The following DNAH5 variants were observed in gnomAD, a reference collection of about 807,000 sequenced individuals.
DNAH5 encodes the protein axonemal beta dynein heavy chain 5.
DNAH5 carries 372 observed loss-of-function variants against 518.2 expected under a neutral mutation model. The ratio of observed to expected loss-of-function variants is 0.72; its 90% CI spans 0.66 to 0.78. The LOEUF (loss-of-function observed/expected upper bound fraction) is 0.78, where lower values mean the gene tolerates loss of function less well. Among genes scored for constraint, DNAH5 ranks in the 30% least tolerant of loss-of-function variants. The pLI is 0.00. For synonymous variants in DNAH5, 2,039 were observed against 2,025.9 expected (o/e 1.01, Z -0.17); for missense variants, 5,523 against 5,687.0 (o/e 0.97, Z 0.93).
intron 26 of DNAH5, 32 bp from the exon 27 acceptor site, chr5:13,865,938 A>C (rs112168545): frequency 1.5e-6 from 2 of 1,374,964 alleles, no homozygotes; most frequent in Admixed American, 3.4e-5. Context: ...ACGCATCAAA[A>C]TGATTTATAC....
chr5:13,804,358 C>T (rs1009520844), intron 47 of DNAH5, among the ~76,000 whole-genome samples: 1 of 152,206 alleles, frequency 6.6e-6, no homozygotes, highest in Non-Finnish European at 1.5e-5. Context: ...ACGCGCCCTT[C>T]GTTGGACAGT....
chr5:13,956,050 C>A (rs1320931811), intron 1 of DNAH5, among the ~76,000 whole-genome samples: 1 of 152,132 alleles, frequency 6.6e-6, no homozygotes, highest in Non-Finnish European at 1.5e-5. Flanking sequence ...GTGGTACATG[C>A]TCTTCCCTAA....
chr5:14,004,505 TGC>T, intron 1 of DNAH5, among the ~76,000 whole-genome samples: 1 of 152,324 alleles, frequency 6.6e-6, no homozygotes, highest in Middle Eastern at 3.4e-3. Context: ...TAATGCACCT[TGC>T]ATTGCAAAAG....
At chr5:13,866,969 G>A (rs1358959654) in intron 25 of DNAH5, among the ~76,000 whole-genome samples, 3 of 152,084 alleles carry the variant, frequency 2.0e-5, no homozygotes, top group Non-Finnish European at 2.9e-5. Context: ...GGCAAGGCTT[G>A]ATCTGTCTTA....
At chr5:13,738,149 TG>T (rs1747856177) in intron 65 of DNAH5, among the ~76,000 whole-genome samples, 1 of 151,018 alleles carries the variant, frequency 6.6e-6, no homozygotes, top group Admixed American at 6.6e-5. Context: ...CCAAGCAACA[TG>T]AAACCTGCAA....
At position 13,901,689 on chromosome 5, in the gene DNAH5, A is replaced by G. The variant is rs190033266; in HGVS notation, c.1731-116T>C. 1,999 of 677,054 alleles carry G rather than the reference A, an allele frequency of 3.0e-3. 6 individuals are homozygous for G. The highest frequency in any genetic ancestry group is 4.0e-3 in the Non-Finnish European group (1,746 of 431,706). The allele number at this position is 677,054 out of a possible 1,614,324, so 41.9% of individuals were successfully genotyped here. A position where few individuals can be genotyped will look rare whatever the true frequency, so the allele number is the denominator to read the frequency against. On this transcript the variant is annotated intron_variant, in intron 13 of 78. Coordinates refer to ENST00000265104, the MANE Select transcript of DNAH5 (RefSeq NM_001369.3). Reference sequence around the variant, plus strand: ...ATTTATTTTTTAAAATGCTAATGGAAAAGAATGAGATATTTACATGGAATA... The same window carrying G: ...ATTTATTTTTTAAAATGCTAATGGAGAAGAATGAGATATTTACATGGAATA...
At chr5:14,005,664 A>G (rs532939573) in intron 1 of DNAH5, among the ~76,000 whole-genome samples, 13 of 152,374 alleles carry the variant, frequency 8.5e-5, no homozygotes, top group African/African-American at 3.1e-4. Flanking sequence ...GACTTTTTGA[A>G]AGACCAAAAA....
Position 13,735,698 on chromosome 5 carries a change from T to C in DNAH5, c.11570+120A>G, listed in dbSNP as rs113524389. 3.8e-5 allele frequency: 33 copies of C among 870,364 alleles called. 1 individual carries two copies. The highest frequency in any genetic ancestry group is 5.7e-5 in the Non-Finnish European group (29 of 512,626). The allele number at this position is 870,364 out of a possible 1,614,324, so 53.9% of individuals were successfully genotyped here. A position where few individuals can be genotyped will look rare whatever the true frequency, so the allele number is the denominator to read the frequency against. ...GTTAACACATTGGTAATTACACTGATCTGAGATTTAAAAAAGAAAAAGACT... is the reference window on the plus strand; with the variant it reads ...GTTAACACATTGGTAATTACACTGACCTGAGATTTAAAAAAGAAAAAGACT... On this transcript the variant is annotated intron_variant, in intron 67 of 78. Transcript: ENST00000265104.
chr5:13,758,760 C>T, intron 61 of DNAH5, 86 bp downstream of exon 61: 1 of 1,588,922 alleles, frequency 6.3e-7, no homozygotes, highest in Non-Finnish European at 8.6e-7. Flanking sequence ...TGTATAAATT[C>T]AGTGAAACCC....
chr5:13,821,988 T>C (rs1045658257), intron 40 of DNAH5, among the ~76,000 whole-genome samples: 1 of 151,822 alleles, frequency 6.6e-6, no homozygotes, highest in Non-Finnish European at 1.5e-5. Context: ...TAGAGACGAG[T>C]TCTCGCTATG....
Position 13,817,677 on chromosome 5 carries a change from G to C in DNAH5, c.6859C>G (p.Arg2287Gly). 6.2e-7 allele frequency: 1 copy of C among 1,614,078 alleles called. No individual in the cohort carries two copies. The highest frequency in any genetic ancestry group is 8.5e-7 in the Non-Finnish European group (1 of 1,180,006). Residue 2287 changes from arginine to glycine, a missense_variant, in exon 42 of 79, where the codon CGG (arginine) becomes GGG (glycine). By Grantham distance (125) the Arg-to-Gly change is moderately radical (BLOSUM62 -2). Around this residue, in one of 3 missense-constraint regions of DNAH5, gnomAD observed 5,121 missense variants for 5,223.3 expected, o/e 0.98. Coordinates refer to ENST00000265104, the MANE Select transcript of DNAH5 (RefSeq NM_001369.3). ...GCTTTGGGATTCATCCTCATTTCCC[G>C]ATGTGGTTTTCCACAATCTATACCA... Reference protein sequence around the residue: ...RAMTDCGKPHREMRMNPKAIT... With the variant: ...RAMTDCGKPHGEMRMNPKAIT...
chr5:13,965,056 G>T (rs890108436), intron 1 of DNAH5, among the ~76,000 whole-genome samples: 2 of 152,044 alleles, frequency 1.3e-5, no homozygotes, highest in African/African-American at 2.4e-5. Flanking sequence ...CTCCTTCAAG[G>T]TGCTTTCCCT....
At chr5:13,871,511 G>T in intron 23 of DNAH5, 53 bp downstream of exon 23, 1 of 1,445,440 alleles carries the variant, frequency 6.9e-7, no homozygotes, top group Non-Finnish European at 9.7e-7. Context: ...TAGGTAAAGA[G>T]GCAGAACAAT....
chr5:13,868,833 G>A (rs1309971547), intron 24 of DNAH5, among the ~76,000 whole-genome samples: 1 of 152,094 alleles, frequency 6.6e-6, no homozygotes, highest in African/African-American at 2.4e-5. Context: ...AATAATCCTG[G>A]GATTTAGTGT....
rs542370208 is a variant in DNAH5, at chr5:13,707,403, C to T, written c.13338+720G>A. On this transcript the variant is annotated intron_variant, in intron 76 of 78. Transcript: ENST00000265104. This position sits in a 1 kb window ranked among gnomAD's most constrained non-coding sequence, Gnocchi z 4.0. ...GGAAACAGAAAGCCCTCTGTCCTTG[C>T]GATAAAGAGGGTCTAATTGAGCTGA... Among the ~76,000 whole-genome samples, 34 of 152,276 alleles carry T rather than the reference C, an allele frequency of 2.2e-4. No individual in the cohort carries two copies. Among genetic ancestry groups the T allele is most frequent in the African/African-American group, 5.5e-4 (23 of 41,548 alleles).
intron 7 of DNAH5, 85 bp downstream of exon 7, chr5:13,919,091 T>G: frequency 2.0e-6 from 3 of 1,517,146 alleles, no homozygotes; most frequent in South Asian, 1.1e-5. Flanking sequence ...TAACATTTTT[T>G]TGTTCCTAAT....
chr5:13,952,938 T>C (rs1216803366), intron 1 of DNAH5, among the ~76,000 whole-genome samples: 3 of 152,234 alleles, frequency 2.0e-5, no homozygotes, highest in African/African-American at 4.8e-5. Flanking sequence ...GTGTTCAGTA[T>C]TTGACCTTTC....
At chr5:13,764,055 T>C (rs998179571) in intron 59 of DNAH5, among the ~76,000 whole-genome samples, 5 of 152,222 alleles carry the variant, frequency 3.3e-5, no homozygotes, top group Non-Finnish European at 7.3e-5. Context: ...AATGCTGAAT[T>C]GAAAACCAAA....
chr5:13,910,088 G>C (rs1276802101), intron 12 of DNAH5, among the ~76,000 whole-genome samples: 1 of 152,126 alleles, frequency 6.6e-6, no homozygotes, highest in Non-Finnish European at 1.5e-5. Flanking sequence ...AACATTCACT[G>C]TCCTTATGTC....
Sources: allele counts gnomAD v4.1 joint callset (sites outside exome capture counted in the v4.1 genomes callset), GRCh38; gene constraint gnomAD v4.1.1; regional missense constraint gnomAD v4.1.1; non-coding constraint Gnocchi (gnomAD v3.1); transcripts MANE v1.5; gene names NCBI Gene and HGNC (gene_info 2026-07-23, HGNC 2026-07-21).